MEI4: variants seen among roughly 807,000 people sequenced by gnomAD.
MEI4 encodes the protein meiosis-specific protein MEI4.
In MEI4, 27 loss-of-function variants were observed where a neutral mutation model predicts 31.4. The observed-to-expected ratio is 0.86, with a 90% CI of 0.63 to 1.19. The LOEUF (loss-of-function observed/expected upper bound fraction) is 1.19. Ranked by LOEUF, MEI4 falls within the 50% of genes most tolerant of loss-of-function variation. The pLI is 0.00. For synonymous variants in MEI4, 122 were observed against 145.4 expected, an observed-to-expected ratio of 0.84 and a Z score of 1.16; for missense variants, 329 against 398.9, an observed-to-expected ratio of 0.82 and a Z score of 1.49.
At chr6:77,654,521 A>G (rs902931141) in intron 1 of MEI4, among the ~76,000 whole-genome samples, 7 of 150,276 alleles carry the variant, frequency 4.7e-5, no homozygotes, top group African/African-American at 1.5e-4. Flanking sequence ...CAAACCAACC[A>G]CAGATTGAAT....
chr6:77,907,320 A>G (rs1766319442), intron 4 of MEI4, among the ~76,000 whole-genome samples: 1 of 151,996 alleles, frequency 6.6e-6, no homozygotes, highest in Non-Finnish European at 1.5e-5. Context: ...CCGGTGTGTG[A>G]TGTTCCCCTT....
intron 1 of MEI4, among the ~76,000 whole-genome samples, chr6:77,671,471 A>G (rs1768738991): frequency 6.6e-6 from 1 of 152,206 alleles, no homozygotes; most frequent in African/African-American, 2.4e-5. Context: ...AGCGTGAAAT[A>G]TGATTATAAA....
intron 4 of MEI4, among the ~76,000 whole-genome samples, chr6:77,840,115 T>C (rs566082923): frequency 6.6e-6 from 1 of 152,364 alleles, no homozygotes; most frequent in East Asian, 1.9e-4. Context: ...TTTGTGTGTT[T>C]GTACCTGTGT....
chr6:77,771,759 G>A (rs529736418), intron 3 of MEI4, among the ~76,000 whole-genome samples: 8 of 152,098 alleles, frequency 5.3e-5, no homozygotes, highest in Admixed American at 2.0e-4. Context: ...CACAAGGAGG[G>A]TAACAATAGA....
At chr6:77,743,353 A>T (rs140634397) in intron 2 of MEI4, among the ~76,000 whole-genome samples, 38 of 152,052 alleles carry the variant, frequency 2.5e-4, no homozygotes, top group South Asian at 2.5e-3. Flanking sequence ...TGTAAGTTGG[A>T]TTCCTGGGTA....
chr6:77,792,347 A>C (rs9361285), intron 3 of MEI4, among the ~76,000 whole-genome samples: 20,945 of 152,112 alleles, frequency 0.14, 1,531 homozygotes, highest in Middle Eastern at 0.21. Context: ...TGACAGTTGT[A>C]GTTTTTCGGG....
intron 4 of MEI4, among the ~76,000 whole-genome samples, chr6:77,886,862 G>A (rs1234189804): frequency 6.6e-6 from 1 of 151,566 alleles, no homozygotes; most frequent in Non-Finnish European, 1.5e-5. Context: ...TTTTTTGGTT[G>A]CCCAGCTAAT....
chr6:77,784,331 T>C (rs1040029495), intron 3 of MEI4, among the ~76,000 whole-genome samples: 1 of 152,184 alleles, frequency 6.6e-6, no homozygotes, highest in African/African-American at 2.4e-5. Flanking sequence ...TCTCTCAATA[T>C]GATGCTATGT....
At chr6:77,774,872 C>G (rs1457107140) in intron 3 of MEI4, among the ~76,000 whole-genome samples, 1 of 152,042 alleles carries the variant, frequency 6.6e-6, no homozygotes, top group Non-Finnish European at 1.5e-5. Flanking sequence ...CTTAAAACAA[C>G]AGAAATATAT....
At chr6:77,805,994 G>A (rs1769424846) in intron 3 of MEI4, among the ~76,000 whole-genome samples, 1 of 152,092 alleles carries the variant, frequency 6.6e-6, no homozygotes. Flanking sequence ...CCTAAGAGAA[G>A]AGGGATGAAA....
At chr6:77,756,083 C>A (rs923348127) in intron 2 of MEI4, among the ~76,000 whole-genome samples, 3 of 152,062 alleles carry the variant, frequency 2.0e-5, no homozygotes, top group African/African-American at 7.2e-5. Context: ...GCTTTGAGGT[C>A]TAACTCAGTC....
At position 77,924,422 on chromosome 6, in the gene MEI4, A is replaced by C. The variant is rs965966481; in HGVS notation, c.*1076A>C. On this transcript the variant is annotated 3_prime_UTR_variant, in exon 5 of 5. Transcript: ENST00000684080. Reference sequence around the variant, plus strand: ...TTGAAAAGATAATGCCTTTTTGATAATCCTGAAACTACATGTATGTCAGTC... The same window carrying C: ...TTGAAAAGATAATGCCTTTTTGATACTCCTGAAACTACATGTATGTCAGTC... 6.6e-6 allele frequency: 1 copy of C among 151,878 alleles called. No individual in the cohort carries two copies. Among genetic ancestry groups the C allele is most frequent in the African/African-American group, 2.4e-5 (1 of 41,404 alleles). The allele number at this position is 151,878 out of a possible 1,614,324, so 9.4% of individuals were successfully genotyped here.
chr6:77,751,125 G>A (rs976681375), intron 2 of MEI4, among the ~76,000 whole-genome samples: 3 of 152,142 alleles, frequency 2.0e-5, no homozygotes, highest in Admixed American at 2.0e-4. Context: ...ACAGTGTGTA[G>A]AGAGAAATGT....
At chr6:77,763,844 T>A (rs1768101127) in intron 3 of MEI4, among the ~76,000 whole-genome samples, 1 of 151,952 alleles carries the variant, frequency 6.6e-6, no homozygotes, top group Admixed American at 6.6e-5. Context: ...AGACGGAGTC[T>A]CACTCTGTCA....
intron 3 of MEI4, among the ~76,000 whole-genome samples, chr6:77,777,434 C>T (rs1227569190): frequency 6.6e-6 from 1 of 152,062 alleles, no homozygotes; most frequent in Non-Finnish European, 1.5e-5. Context: ...TCCTGAAGCC[C>T]CGCTTCTGCC....
At chr6:77,739,777 A>T (rs1561967595) in intron 2 of MEI4, among the ~76,000 whole-genome samples, 1 of 150,872 alleles carries the variant, frequency 6.6e-6, no homozygotes, top group Non-Finnish European at 1.5e-5. Context: ...GATCTTTTGA[A>T]TTTTTTTGTG....
At chr6:77,702,073 A>C (rs1459047154) in intron 2 of MEI4, among the ~76,000 whole-genome samples, 2 of 152,180 alleles carry the variant, frequency 1.3e-5, no homozygotes, top group Non-Finnish European at 2.9e-5. Flanking sequence ...GTATTCAGGA[A>C]ACAGTTTTTA....
chr6:77,659,595 A>G (rs1768463690), intron 1 of MEI4, among the ~76,000 whole-genome samples: 1 of 152,168 alleles, frequency 6.6e-6, no homozygotes, highest in Admixed American at 6.5e-5. Context: ...GGCTGGGTAT[A>G]AGTAAACGAG....
chr6:77,715,090 A>G (rs1461619641), intron 2 of MEI4, among the ~76,000 whole-genome samples: 1 of 152,168 alleles, frequency 6.6e-6, no homozygotes, highest in Non-Finnish European at 1.5e-5. Flanking sequence ...TAAACAGAAT[A>G]CAGTATGAGT....
Sources: gnomAD v4.1 joint callset for allele counts (sites outside exome capture counted in the v4.1 genomes callset) on GRCh38, gnomAD v4.1.1 for gene constraint, MANE v1.5 for transcripts, NCBI Gene and HGNC (gene_info 2026-07-23, HGNC 2026-07-21) for gene names.